Variants in PWWP2A observed in about 807,000 individuals in gnomAD.
PWWP2A encodes PWWP domain-containing protein 2A.
PWWP2A carries 18 observed loss-of-function variants against 48.5 expected under a neutral mutation model. That is an observed-to-expected ratio of 0.37 (90% CI 0.26 to 0.55). The LOEUF is 0.55. PWWP2A is among the 20% of genes least tolerant of loss of function. The probability of loss-of-function intolerance (pLI) is 0.81; values close to 1 mark genes in which losing one functional copy is unlikely to be tolerated. For missense variants in PWWP2A, 867 were observed against 976.4 expected (o/e 0.89, Z 1.49); for synonymous variants, 396 against 387.7 (o/e 1.02, Z -0.25).
At chr5:160,060,305 A>G (rs1187302857), downstream of PWWP2A, among the ~76,000 whole-genome samples, 1 of 152,246 alleles carries the variant, frequency 6.6e-6, no homozygotes, top group Non-Finnish European at 1.5e-5. Flanking sequence ...GAAATTATGT[A>G]TAACAAATCA....
intron 1 of PWWP2A, among the ~76,000 whole-genome samples, chr5:160,095,235 T>G (rs1755511766): frequency 6.6e-6 from 1 of 152,028 alleles, no homozygotes; most frequent in East Asian, 1.9e-4. Context: ...CCCATTAAAC[T>G]GATTTGAAAA....
chr5:160,069,009 C>T (rs1017130472), intron 2 of PWWP2A, among the ~76,000 whole-genome samples: 2 of 151,956 alleles, frequency 1.3e-5, no homozygotes, highest in African/African-American at 2.4e-5. Context: ...TTCTCAGCGG[C>T]GCACAGTGGC....
At chr5:160,084,070 G>T (rs1316795286) in intron 2 of PWWP2A, among the ~76,000 whole-genome samples, 1 of 152,164 alleles carries the variant, frequency 6.6e-6, no homozygotes, top group East Asian at 1.9e-4. Flanking sequence ...ATATGTTGCA[G>T]AATGATAGTA....
At chr5:160,064,981 C>T (rs1753557036) in intron 4 of PWWP2A, 1 of 1,613,836 alleles carries the variant, frequency 6.2e-7, no homozygotes, top group Non-Finnish European at 8.5e-7. Context: ...TTGGGCTCTC[C>T]ACGGAAAATT....
At chr5:160,114,708 A>G (rs1410390569) in intron 1 of PWWP2A, among the ~76,000 whole-genome samples, 1 of 148,898 alleles carries the variant, frequency 6.7e-6, no homozygotes, top group Admixed American at 6.8e-5. Context: ...GGTTGCAGTG[A>G]GCCGAGATTG....
intron 1 of PWWP2A, among the ~76,000 whole-genome samples, chr5:160,111,372 T>C (rs1182862693): frequency 6.6e-5 from 10 of 152,128 alleles, no homozygotes; most frequent in Non-Finnish European, 5.9e-5. Flanking sequence ...TTCATCATAT[T>C]GGTCAGGCTG....
intron 1 of PWWP2A, among the ~76,000 whole-genome samples, chr5:160,111,670 C>T (rs985597753): frequency 5.3e-5 from 8 of 151,980 alleles, no homozygotes; most frequent in African/African-American, 1.9e-4. Flanking sequence ...AGTTTAGAAT[C>T]CTGAAGGAAT....
chr5:160,081,939 CTATTTA>C (rs1198600732), intron 2 of PWWP2A, among the ~76,000 whole-genome samples: 1 of 151,912 alleles, frequency 6.6e-6, no homozygotes, highest in African/African-American at 2.4e-5. Flanking sequence ...TAATGAAAAC[CTATTTA>C]TAAAAGGCTT....
In PWWP2A at chr5:160,119,424, G is replaced by C; in HGVS notation, c.-36C>G. The C allele has an allele frequency of 2.2e-6, 3 of 1,352,160 alleles. No homozygotes were observed. Among genetic ancestry groups the C allele is most frequent in the Non-Finnish European group, 1.9e-6 (2 of 1,057,858 alleles). The allele number at this position is 1,352,160 out of a possible 1,614,324, so 83.8% of individuals were successfully genotyped here. On this transcript the variant is annotated 5_prime_UTR_variant, in exon 1 of 2. Coordinates refer to ENST00000307063, the MANE Select transcript of PWWP2A (RefSeq NM_001130864.2). The stretch of plus-strand genomic sequence containing the variant: ...GCTTCTCCCTCCTCCAACTCCGGCT[G>C]CAGCGGCGGCGGCGACAGCGCTGCT...
intron 4 of PWWP2A, chr5:160,064,844 T>G (rs372460101): frequency 1.5e-4 from 208 of 1,357,572 alleles, no homozygotes; most frequent in Non-Finnish European, 1.9e-4. Context: ...TTTTATATTT[T>G]GTACTCAGTG....
chr5:160,087,953 A>G (rs998099355), downstream of PWWP2A, among the ~76,000 whole-genome samples: 2 of 152,360 alleles, frequency 1.3e-5, no homozygotes, highest in South Asian at 2.1e-4. Context: ...CAGATCAGCT[A>G]TATCACTGTG....
chr5:160,071,415 T>TA (rs1403359220), downstream of PWWP2A, among the ~76,000 whole-genome samples: 1 of 152,138 alleles, frequency 6.6e-6, no homozygotes, highest in Admixed American at 6.5e-5. Context: ...TGTTGGAAGA[T>TA]ACATCTTTGC....
At chr5:160,082,023 G>C (rs750883550) in intron 2 of PWWP2A, among the ~76,000 whole-genome samples, 1 of 152,012 alleles carries the variant, frequency 6.6e-6, no homozygotes, top group African/African-American at 2.4e-5. Context: ...TTTTAACTTG[G>C]GAAAATAATT....
the PWWP2A span, chr5:160,050,990 A>C: frequency 4.2e-6 from 2 of 471,874 alleles, no homozygotes; most frequent in Non-Finnish European, 3.4e-6. Context: ...TTTTTTTTTT[A>C]TTTAATAGGA....
downstream of PWWP2A, among the ~76,000 whole-genome samples, chr5:160,061,212 C>G (rs1197043861): frequency 6.6e-6 from 1 of 152,240 alleles, no homozygotes. Context: ...GACAGCACCT[C>G]TGTCTCATAT....
At chr5:160,052,569 A>AAAC in the PWWP2A span, among the ~76,000 whole-genome samples, 2 of 149,554 alleles carry the variant, frequency 1.3e-5, no homozygotes, top group Non-Finnish European at 3.0e-5. Context: ...AAAAAAAAAA[A>AAAC]AAAAACTGTT....
chr5:160,052,560 A>AAAC, the PWWP2A span, among the ~76,000 whole-genome samples: 1 of 151,292 alleles, frequency 6.6e-6, no homozygotes, highest in South Asian at 2.1e-4. Context: ...AAAAAAAAAA[A>AAAC]AAAAAAAAAA....
rs1755064799 is a variant in PWWP2A at position 160,091,517 on chromosome 5, A to G, written c.*865T>C. ...CATCCAAAATGCAACAATTACACAT[A>G]TGACAATTAATTCACAAAGTATAAT... is the stretch of plus-strand genomic sequence containing the variant. On this transcript the variant is annotated 3_prime_UTR_variant, in exon 2 of 2. Transcript: ENST00000307063. 2.0e-6 allele frequency: 2 copies of G among 980,876 alleles called. No homozygotes were observed. Among genetic ancestry groups the G allele is most frequent in the African/African-American group, 1.7e-5 (1 of 57,252 alleles). The allele number at this position is 980,876 out of a possible 1,614,324, so 60.8% of individuals were successfully genotyped here. A position where few individuals can be genotyped will look rare whatever the true frequency, so the allele number is the denominator to read the frequency against.
rs1409613197 is a variant in PWWP2A at position 160,093,287 on chromosome 5, T to G, written c.1363A>C (p.Lys455Gln). The G allele has an allele frequency of 1.5e-5, 25 of 1,614,040 alleles. No homozygotes were observed. The highest frequency in any genetic ancestry group is 3.3e-5 in the Admixed American group (2 of 60,026). Reference sequence around the variant, plus strand: ...TGATATCGACGTGTGAAATGGACTTTTGAATGTGCATTTTTGGAAGTAGAG... The same window carrying G: ...TGATATCGACGTGTGAAATGGACTTGTGAATGTGCATTTTTGGAAGTAGAG... ...ETSTSKNAHS[K>Q]VHFTRRYQNP... The change falls in exon 2 of 2, where the codon AAA becomes CAA. Residue 455 changes from lysine (K) to glutamine (Q), a missense_variant. Lys to Gln is a moderately conservative substitution (Grantham distance 53, BLOSUM62 1). Coordinates refer to ENST00000307063, the MANE Select transcript of PWWP2A (RefSeq NM_001130864.2). This position sits in a 1 kb window ranked among gnomAD's most constrained non-coding sequence, Gnocchi z 5.8.
Sources: allele counts gnomAD v4.1 joint callset (sites outside exome capture counted in the v4.1 genomes callset), GRCh38; gene constraint gnomAD v4.1.1; non-coding constraint Gnocchi (gnomAD v3.1); transcripts MANE v1.5; gene names NCBI Gene and HGNC (gene_info 2026-07-23, HGNC 2026-07-21).